The following NAALAD2 variants were observed in gnomAD, a reference collection of about 807,000 sequenced individuals.
NAALAD2 encodes N-acetylated alpha-linked acidic dipeptidase 2.
Under a neutral mutation model 95.6 loss-of-function variants are expected in NAALAD2, and 89 were observed. The ratio of observed to expected loss-of-function variants is 0.93; its 90% confidence interval spans 0.78 to 1.11. The LOEUF is 1.11. Ranked by LOEUF, NAALAD2 falls within the 50% of genes least tolerant of loss-of-function variation. The probability of loss-of-function intolerance (pLI) is 0.00; values close to 1 mark genes in which losing one functional copy is unlikely to be tolerated. For synonymous variants in NAALAD2, 264 were observed against 294.4 expected, an observed-to-expected ratio of 0.90 and a Z score of 1.06; for missense variants, 894 against 872.4, an observed-to-expected ratio of 1.02 and a Z score of -0.31.
At chr11:90,161,313 TA>T (rs1952291231) in intron 8 of NAALAD2, among the ~76,000 whole-genome samples, 1 of 152,168 alleles carries the variant, frequency 6.6e-6, no homozygotes, top group Admixed American at 6.5e-5. Context: ...CATGTTTCTA[TA>T]AGTTAACTTC....
chr11:90,156,669 G>A (rs189673902), intron 6 of NAALAD2, among the ~76,000 whole-genome samples: 6 of 151,950 alleles, frequency 3.9e-5, no homozygotes, highest in African/African-American at 9.7e-5. Context: ...CACTGTAACC[G>A]CAAACTCCCA....
At chr11:90,166,297 G>C (rs1184306356) in intron 11 of NAALAD2, among the ~76,000 whole-genome samples, 1 of 152,192 alleles carries the variant, frequency 6.6e-6, no homozygotes, top group Non-Finnish European at 1.5e-5. Flanking sequence ...CTGTGTCTGT[G>C]TGTGTGTGTT....
intron 14 of NAALAD2, 44 bp from the exon 15 acceptor site, chr11:90,175,928 A>ATGTATGTG: frequency 1.0e-6 from 1 of 971,990 alleles, no homozygotes; most frequent in East Asian, 2.5e-5. Context: ...TTACTTGTTT[A>ATGTATGTG]TGTGTGTGTG....
At position 90,181,650 on chromosome 11, in the gene NAALAD2, C is replaced by T; in HGVS notation, c.1889C>T (p.Ser630Leu). 3.7e-6 allele frequency: 6 copies of T among 1,606,902 alleles called. No individual in the cohort carries two copies. The African/African-American group carries it at 5.4e-5, about 14-fold the overall frequency. The change falls in exon 17 of 19, where the codon TCA becomes TTA. Residue 630 changes from serine to leucine, a missense_variant. Transcript: ENST00000534061. ...DSLFSAVKNFSEAASDFHKRL... is the reference protein window; with the variant it reads ...DSLFSAVKNFLEAASDFHKRL... The stretch of plus-strand genomic sequence containing the variant: ...TTATTTTCTGCTGTGAAAAACTTCT[C>T]AGAGGCTGCTTCAGATTTTCATAAA...
At position 90,146,343 on chromosome 11, in the gene NAALAD2, A is replaced by ATTTTTTTT. The variant is rs71477596; in HGVS notation, c.195-961_195-954dup. On this transcript the variant is annotated intron_variant, in intron 2 of 18. Transcript: ENST00000534061. ...GTTCTACTGATGGTGGGGGAGTTTA[A>ATTTTTTTT]TTTTTTTTTTTTTTTTTTTTTTTTT... Among the ~76,000 whole-genome samples the ATTTTTTTT allele has an allele frequency of 2.2e-3, 105 of 47,988 alleles. 3 individuals are homozygous for ATTTTTTTT. Among genetic ancestry groups the ATTTTTTTT allele is most frequent in the East Asian group, 3.0e-3 (4 of 1,350 alleles). The allele number at this position is 47,988 out of a possible 152,430, so 31.5% of individuals were successfully genotyped here.
chr11:90,154,728 A>T (rs556627328), intron 6 of NAALAD2, among the ~76,000 whole-genome samples: 1 of 150,770 alleles, frequency 6.6e-6, no homozygotes, highest in Non-Finnish European at 1.5e-5. Flanking sequence ...ATTTGGTAGA[A>T]TTCTCCAGGG....
At chr11:90,133,547 G>A (rs1943379), upstream of NAALAD2, among the ~76,000 whole-genome samples, 52,953 of 151,734 alleles carry the variant, frequency 0.35, 9,520 homozygotes, top group Admixed American at 0.46. Flanking sequence ...TAAGGGAATC[G>A]TAGTAGAATG....
At chr11:90,149,860 T>C (rs1951842623) in intron 4 of NAALAD2, among the ~76,000 whole-genome samples, 3 of 152,248 alleles carry the variant, frequency 2.0e-5, no homozygotes, top group Non-Finnish European at 2.9e-5. Context: ...GGTTGGAAAT[T>C]AAATAAATAT....
intron 6 of NAALAD2, among the ~76,000 whole-genome samples, chr11:90,156,705 C>T (rs1048622719): frequency 6.6e-6 from 1 of 152,088 alleles, no homozygotes; most frequent in Admixed American, 6.6e-5. Context: ...CCTGCCCCAG[C>T]CTCCCAAGTT....
At chr11:90,190,308 T>G (rs1456108645) in intron 18 of NAALAD2, among the ~76,000 whole-genome samples, 1 of 152,208 alleles carries the variant, frequency 6.6e-6, no homozygotes, top group East Asian at 1.9e-4. Flanking sequence ...GATAGTATTC[T>G]GTTGATAGTA....
intron 6 of NAALAD2, among the ~76,000 whole-genome samples, chr11:90,153,629 A>G (rs755689832): frequency 6.6e-6 from 1 of 152,082 alleles, no homozygotes; most frequent in Non-Finnish European, 1.5e-5. Flanking sequence ...AAATCTATAA[A>G]TCAATTTGGG....
chr11:90,163,465 G>A (rs1273080914), intron 10 of NAALAD2, 36 bp downstream of exon 10: 1 of 1,613,236 alleles, frequency 6.2e-7, no homozygotes. Flanking sequence ...ATGACAAAAA[G>A]TGACTTACTG....
chr11:90,168,576 C>G (rs780858829), intron 11 of NAALAD2, among the ~76,000 whole-genome samples: 2 of 152,158 alleles, frequency 1.3e-5, no homozygotes, highest in Non-Finnish European at 2.9e-5. Flanking sequence ...AGTTCTGATT[C>G]AGTAGATCTA....
intron 2 of NAALAD2, among the ~76,000 whole-genome samples, chr11:90,142,059 T>A (rs1191767363): frequency 6.6e-6 from 1 of 152,168 alleles, no homozygotes; most frequent in African/African-American, 2.4e-5. Context: ...ATGCTCTTTG[T>A]CAAGTTAAGA....
At chr11:90,187,686 C>T (rs1024201106) in intron 18 of NAALAD2, among the ~76,000 whole-genome samples, 2 of 152,062 alleles carry the variant, frequency 1.3e-5, no homozygotes, top group African/African-American at 4.8e-5. Flanking sequence ...TCTTATAAAA[C>T]CTCTAAGAGT....
rs1180406780 is a variant in NAALAD2, at chr11:90,182,977, C to T, written c.2002C>T (p.Pro668Ser). ...LMLLERAFID[P>S]LGLPGKLFYR... is the part of the protein sequence containing the mutation. ...GCTCCTGGAAAGAGCATTCATCGAT[C>T]CTCTTGGTTTACCAGGAAAGCTGTT... is the stretch of plus-strand genomic sequence containing the variant. The change falls in exon 18 of 19, where the codon CCT becomes TCT. Residue 668 changes from proline (P) to serine (S), a missense_variant. Pro to Ser is a moderately conservative substitution (Grantham distance 74). Coordinates refer to ENST00000534061, the MANE Select transcript of NAALAD2 (RefSeq NM_005467.4). 3.1e-6 allele frequency: 5 copies of T among 1,612,684 alleles called. No homozygotes were observed. Among genetic ancestry groups the T allele is most frequent in the Non-Finnish European group, 2.5e-6 (3 of 1,179,018 alleles).
intron 6 of NAALAD2, among the ~76,000 whole-genome samples, chr11:90,154,050 TC>T (rs1951959835): frequency 4.1e-5 from 6 of 147,618 alleles, no homozygotes; most frequent in South Asian, 2.2e-4. Flanking sequence ...TCTCTCTCTC[TC>T]TCTGTCTCTC....
intron 8 of NAALAD2, 102 bp downstream of exon 8, chr11:90,159,439 C>G (rs1952221481): frequency 1.3e-6 from 1 of 793,882 alleles, no homozygotes; most frequent in Non-Finnish European, 2.0e-6. Context: ...ATCTCTTTTT[C>G]TCTTTCTAAA....
intron 1 of NAALAD2, 120 bp from the exon 2 acceptor site, chr11:90,135,439 T>A: frequency 1.9e-6 from 1 of 512,838 alleles, no homozygotes; most frequent in South Asian, 4.7e-5. Context: ...AAGCTCACCA[T>A]GATCTACTTG....
Sources: allele counts gnomAD v4.1 joint callset (sites outside exome capture counted in the v4.1 genomes callset), GRCh38; gene constraint gnomAD v4.1.1; transcripts MANE v1.5; gene names NCBI Gene and HGNC (gene_info 2026-07-23, HGNC 2026-07-21).